The following GMFB variants were observed in gnomAD, a reference collection of about 807,000 sequenced individuals.
GMFB encodes the protein glia maturation factor beta.
GMFB carries 13 observed loss-of-function variants against 25.6 expected under a neutral mutation model. The observed-to-expected ratio is 0.51, with a 90% CI of 0.33 to 0.81. GMFB has a LOEUF of 0.81. GMFB is among the 30% of genes least tolerant of loss of function. The pLI is 0.02. For missense variants in GMFB, 146 were observed against 175.4 expected (o/e 0.83, Z 0.95); for synonymous variants, 57 against 56.9 (o/e 1.00, Z 0.00).
chr14:54,485,677 G>A (rs61160274), intron 1 of GMFB, among the ~76,000 whole-genome samples: 1 of 152,222 alleles, frequency 6.6e-6, no homozygotes, highest in East Asian at 1.9e-4. Context: ...CCTAAAATTT[G>A]TAAGGAGCCA....
At chr14:54,480,540 A>C in intron 5 of GMFB, 1 of 189,868 alleles carries the variant, frequency 5.3e-6, no homozygotes, top group Non-Finnish European at 1.1e-5. Flanking sequence ...TTATATGTGA[A>C]GTTCACATTT....
chr14:54,475,461 A>G lies in GMFB; in HGVS notation c.*2627T>C, dbSNP rs2031625878. 1 of 152,612 alleles carries G rather than the reference A, an allele frequency of 6.6e-6. No homozygotes were observed. 9.5% of individuals were successfully genotyped at this position (152,612 alleles called of 1,614,324 possible). A position where few individuals can be genotyped will look rare whatever the true frequency, so the allele number is the denominator to read the frequency against. ...CTTAAACAAGAGTATGTTTAACTGC[A>G]CTAGGCATTTAGTAAACTTTTAGAA... On this transcript the variant is annotated 3_prime_UTR_variant, in exon 7 of 7. Coordinates refer to ENST00000358056, the MANE Select transcript of GMFB (RefSeq NM_004124.3).
Position 54,476,146 on chromosome 14 carries a change from T to A in GMFB, c.*1942A>T, listed in dbSNP as rs2031637326. On this transcript the variant is annotated 3_prime_UTR_variant, in exon 7 of 7. Coordinates refer to ENST00000358056, the MANE Select transcript of GMFB (RefSeq NM_004124.3). Reference sequence around the variant, plus strand: ...GACAAGCTCAAAAAAGCATGGTTTATCACAGCTCTTTGCTCCTGTTAAAGA... The same window carrying A: ...GACAAGCTCAAAAAAGCATGGTTTAACACAGCTCTTTGCTCCTGTTAAAGA... 6.6e-6 allele frequency: 1 copy of A among 152,098 alleles called. No individual in the cohort carries two copies. Among genetic ancestry groups the A allele is most frequent in the Admixed American group, 6.5e-5 (1 of 15,274 alleles). 9.4% of individuals were successfully genotyped at this position (152,098 alleles called of 1,614,324 possible).
At chr14:54,488,123 G>C (rs2031814117) in intron 1 of GMFB, among the ~76,000 whole-genome samples, 1 of 152,220 alleles carries the variant, frequency 6.6e-6, no homozygotes, top group South Asian at 2.1e-4. Flanking sequence ...TGAGAATTGA[G>C]TGGATGGTCA....
Position 54,475,426 on chromosome 14 carries a change from G to C in GMFB, c.*2662C>G, listed in dbSNP as rs1352647631. 2.6e-5 allele frequency: 4 copies of C among 152,566 alleles called. No homozygotes were observed. Among genetic ancestry groups the C allele is most frequent in the Non-Finnish European group, 5.9e-5 (4 of 67,986 alleles). The allele number at this position is 152,566 out of a possible 1,614,324, so 9.5% of individuals were successfully genotyped here. ...TTTAGTAATGACAGTAAAAAATTTA[G>C]CAACACACACTTAAACAAGAGTATG... On this transcript the variant is annotated 3_prime_UTR_variant, in exon 7 of 7. Transcript: ENST00000358056.
chr14:54,487,161 C>CG (rs1205871139), intron 1 of GMFB, among the ~76,000 whole-genome samples: 2 of 152,070 alleles, frequency 1.3e-5, no homozygotes, highest in Non-Finnish European at 2.9e-5. Context: ...TTTGGGAGGC[C>CG]GGGGCAGGTG....
At chr14:54,483,931 AC>A (rs764803927) in intron 1 of GMFB, 164 bp from the exon 2 acceptor site, 16 of 692,928 alleles carry the variant, frequency 2.3e-5, no homozygotes, top group Admixed American at 1.8e-4. Flanking sequence ...AAATCAACCA[AC>A]CTTTGGATCT....
chr14:54,482,287 C>T lies in GMFB; in HGVS notation c.101-85G>A, dbSNP rs561936451. The T allele has an allele frequency of 3.6e-3, 2,867 of 797,678 alleles. 29 individuals carry two copies. Among genetic ancestry groups the T allele is most frequent in the South Asian group, 0.017 (1,054 of 63,426 alleles). The allele number at this position is 797,678 out of a possible 1,614,324, so 49.4% of individuals were successfully genotyped here. A position where few individuals can be genotyped will look rare whatever the true frequency, so the allele number is the denominator to read the frequency against. ...CCCACACAATCTCAGCCTTTTTTTT[C>T]GGACATCTAAAATTAAAACATCAAG... On this transcript the variant is annotated intron_variant, in intron 2 of 6. Coordinates refer to ENST00000358056, the MANE Select transcript of GMFB (RefSeq NM_004124.3).
intron 3 of GMFB, among the ~76,000 whole-genome samples, chr14:54,481,742 T>TA (rs2140033213): frequency 6.6e-6 from 1 of 152,264 alleles, no homozygotes; most frequent in East Asian, 1.9e-4. Flanking sequence ...CTGAATGACA[T>TA]AAGCCAGTAT....
chr14:54,484,271 C>A (rs1008654842), intron 1 of GMFB, among the ~76,000 whole-genome samples: 2 of 151,262 alleles, frequency 1.3e-5, no homozygotes, highest in African/African-American at 4.9e-5. Context: ...GAGTAAAGAC[C>A]AATAATATTT....
intron 6 of GMFB, chr14:54,479,499 T>C (rs1435998806): frequency 3.4e-6 from 1 of 296,924 alleles, no homozygotes; most frequent in Non-Finnish European, 6.3e-6. Flanking sequence ...AATTACCTTA[T>C]GGCAGATAAA....
chr14:54,488,832 C>G (rs939701409), intron 1 of GMFB, 93 bp downstream of exon 1: 1 of 1,074,464 alleles, frequency 9.3e-7, no homozygotes, highest in Non-Finnish European at 1.3e-6. Context: ...CCCTCCTGGG[C>G]GCTGCCCGCC....
chr14:54,478,147 T>C lies in GMFB; in HGVS notation c.370A>G (p.Arg124Gly), dbSNP rs748534054. The change falls in exon 7 of 7, where the codon AGA (arginine) becomes GGA (glycine). Residue 124 changes from arginine to glycine, a missense_variant. Arg to Gly is a moderately radical substitution (Grantham distance 125, BLOSUM62 -2). Transcript: ENST00000358056. The stretch of plus-strand genomic sequence containing the variant: ...TCTTCAGTTAGGTCTTCGGTATTTC[T>C]TATTTCAAATACCTTTAAAAAAAAA... The part of the protein sequence containing the change: ...TAELTKVFEI[R>G]NTEDLTEEWL... 7.4e-7 allele frequency: 1 copy of C among 1,354,654 alleles called. No individual in the cohort carries two copies. Among genetic ancestry groups the C allele is most frequent in the East Asian group, 2.5e-5 (1 of 40,184 alleles). 83.9% of individuals were successfully genotyped at this position (1,354,654 alleles called of 1,614,324 possible).
Position 54,488,935 on chromosome 14 carries a change from C to T in GMFB, c.-8G>A. 1 of 1,561,564 alleles carries T rather than the reference C, an allele frequency of 6.4e-7. No individual in the cohort carries two copies. Among genetic ancestry groups the T allele is most frequent in the South Asian group, 1.2e-5 (1 of 85,636 alleles). ...CCAGCGGCAACTCACCATTTTCCTT[C>T]CGGCCGTCAGCGGCCTGTCGCCTAC... On this transcript the variant is annotated 5_prime_UTR_variant, in exon 1 of 7. Coordinates refer to ENST00000358056, the MANE Select transcript of GMFB (RefSeq NM_004124.3).
rs2031612650 is a variant in GMFB at position 54,474,628 on chromosome 14, TGACA to T, written c.*3456_*3459del. ...GTCAGTTGTTGGTTTTGTTAAACGA[TGACA>T]GAGAACTGTTAAAATTCACAAGACT... is the stretch of plus-strand genomic sequence containing the variant. On this transcript the variant is annotated 3_prime_UTR_variant, in exon 7 of 7. Transcript: ENST00000358056. 1 of 152,666 alleles carries T rather than the reference TGACA, an allele frequency of 6.6e-6. No homozygotes were observed. Among genetic ancestry groups the T allele is most frequent in the South Asian group, 2.1e-4 (1 of 4,826 alleles). The allele number at this position is 152,666 out of a possible 1,614,324, so 9.5% of individuals were successfully genotyped here.
intron 1 of GMFB, among the ~76,000 whole-genome samples, chr14:54,485,279 AG>A (rs2031766604): frequency 6.6e-6 from 1 of 152,102 alleles, no homozygotes; most frequent in African/African-American, 2.4e-5. Flanking sequence ...AAAAAGCTAA[AG>A]ACTCCATTAA....
At chr14:54,484,744 G>C (rs1024761334) in intron 1 of GMFB, among the ~76,000 whole-genome samples, 4 of 151,872 alleles carry the variant, frequency 2.6e-5, no homozygotes, top group Non-Finnish European at 4.4e-5. Context: ...AAAAACTATA[G>C]GTCAATATGC....
intron 3 of GMFB, among the ~76,000 whole-genome samples, chr14:54,481,670 T>A (rs942229743): frequency 7.2e-5 from 11 of 152,256 alleles, no homozygotes; most frequent in Middle Eastern, 3.4e-3. Flanking sequence ...ATTCCATTTA[T>A]TAAGTAAATA....
chr14:54,484,931 T>A (rs2031762986), intron 1 of GMFB, among the ~76,000 whole-genome samples: 1 of 152,082 alleles, frequency 6.6e-6, no homozygotes, highest in Admixed American at 6.6e-5. Context: ...AAAAATCGTA[T>A]CATTTCAAGA....
Sources: allele counts gnomAD v4.1 joint callset (sites outside exome capture counted in the v4.1 genomes callset), GRCh38; gene constraint gnomAD v4.1.1; transcripts MANE v1.5; gene names NCBI Gene and HGNC (gene_info 2026-07-23, HGNC 2026-07-21).